The following CNTN6 variants were observed in gnomAD, a reference collection of about 807,000 sequenced individuals.
The protein encoded by CNTN6 is contactin 6.
CNTN6 carries 137 observed loss-of-function variants against 122.8 expected under a neutral mutation model. The ratio of observed to expected loss-of-function variants is 1.12; its 90% CI spans 0.97 to 1.29. CNTN6 has a LOEUF of 1.29. Among genes scored for constraint, CNTN6 ranks in the 50% most tolerant of loss-of-function variants. The pLI, the probability that CNTN6 is intolerant of heterozygous loss-of-function variation, is 0.00. For synonymous variants in CNTN6, 570 were observed against 426.0 expected (o/e 1.34, Z -4.16); for missense variants, 1,634 against 1,223.4 (o/e 1.34, Z -5.01).
intron 4 of CNTN6, among the ~76,000 whole-genome samples, chr3:1,263,995 A>G (rs1331573511): frequency 6.6e-6 from 1 of 151,884 alleles, no homozygotes; most frequent in African/African-American, 2.4e-5. Flanking sequence ...AAGAAGACCA[A>G]GGGCCATCGG....
chr3:1,352,545 G>C, intron 12 of CNTN6, 94 bp downstream of exon 12: 3 of 1,444,640 alleles, frequency 2.1e-6, no homozygotes, highest in Non-Finnish European at 2.9e-6. Context: ...ACCATATTGT[G>C]TATGTAAAAT....
chr3:1,197,903 C>T (rs1344740546), intron 2 of CNTN6, among the ~76,000 whole-genome samples: 1 of 152,100 alleles, frequency 6.6e-6, no homozygotes, highest in Admixed American at 6.5e-5. Context: ...CATCCTATCC[C>T]CCCTAACTCA....
intron 4 of CNTN6, among the ~76,000 whole-genome samples, chr3:1,268,435 G>A (rs7432247): frequency 0.49 from 73,597 of 151,546 alleles, 18,628 homozygotes; most frequent in East Asian, 0.82. Flanking sequence ...GTGAAACCCC[G>A]TCTCTACTAA....
rs2125862985 is a variant in CNTN6, at chr3:1,295,335, T to TATTTCC, written c.455-263_455-258dup. 1.3e-5 allele frequency among the ~76,000 whole-genome samples: 2 copies of TATTTCC among 152,284 alleles called. 1 individual carries two copies. Among genetic ancestry groups the TATTTCC allele is most frequent in the Admixed American group, 1.3e-4 (2 of 15,298 alleles). On this transcript the variant is annotated intron_variant, in intron 5 of 22. Coordinates refer to ENST00000446702, the MANE Select transcript of CNTN6 (RefSeq NM_001289080.2). The stretch of plus-strand genomic sequence containing the variant: ...GTATTTCTTAATAAACTCATCCACT[T>TATTTCC]ATTTCCATAACATCCTATTGTTATA...
At chr3:1,116,650 G>A (rs2091729780) in intron 1 of CNTN6, among the ~76,000 whole-genome samples, 1 of 145,476 alleles carries the variant, frequency 6.9e-6, no homozygotes, top group South Asian at 2.2e-4. Context: ...GGGTCGTATT[G>A]TTACCTGTTA....
chr3:1,339,131 A>AT (rs975702286), intron 11 of CNTN6, among the ~76,000 whole-genome samples: 4 of 151,586 alleles, frequency 2.6e-5, no homozygotes, highest in Non-Finnish European at 5.9e-5. Flanking sequence ...AACTTTTTAA[A>AT]TTTTTTTTCA....
intron 20 of CNTN6, among the ~76,000 whole-genome samples, chr3:1,389,790 A>G (rs1188905131): frequency 1.3e-5 from 2 of 150,872 alleles, no homozygotes; most frequent in African/African-American, 2.4e-5. Flanking sequence ...CTTTAAACCA[A>G]CAAAGATCAA....
rs73817168 is a variant in CNTN6 at position 1,402,589 on chromosome 3, A to G, written c.2986+103A>G. 2.6e-3 allele frequency: 2,509 copies of G among 970,780 alleles called. 43 individuals carry two copies. In the African/African-American group the frequency reaches 0.037, roughly 14 times the overall value. 60.1% of individuals were successfully genotyped at this position (970,780 alleles called of 1,614,324 possible). A position where few individuals can be genotyped will look rare whatever the true frequency, so the allele number is the denominator to read the frequency against. On this transcript the variant is annotated intron_variant, in intron 22 of 22. Coordinates refer to ENST00000446702, the MANE Select transcript of CNTN6 (RefSeq NM_001289080.2). ...CCAGTTATGGCTTAAATGTTGGGTG[A>G]TAAGATAAATTTTCAATTGTGAGCA... is the stretch of plus-strand genomic sequence containing the variant.
intron 5 of CNTN6, among the ~76,000 whole-genome samples, chr3:1,289,885 A>G (rs1241013872): frequency 6.6e-6 from 1 of 152,278 alleles, no homozygotes. Flanking sequence ...CGTGTTAGCC[A>G]GGATGGTCTC....
At chr3:1,212,994 T>C (rs1362667691) in intron 2 of CNTN6, among the ~76,000 whole-genome samples, 2 of 152,320 alleles carry the variant, frequency 1.3e-5, no homozygotes, top group South Asian at 4.1e-4. Context: ...CTAACTTCTG[T>C]GTCTTTCAAA....
chr3:1,209,250 T>G (rs1559516992), intron 2 of CNTN6, among the ~76,000 whole-genome samples: 1 of 152,216 alleles, frequency 6.6e-6, no homozygotes, highest in Non-Finnish European at 1.5e-5. Context: ...TTATACCATG[T>G]GTATACCATT....
At chr3:1,111,021 T>A (rs1374782297) in intron 1 of CNTN6, among the ~76,000 whole-genome samples, 1 of 152,162 alleles carries the variant, frequency 6.6e-6, no homozygotes, top group Non-Finnish European at 1.5e-5. Context: ...ATTTTTCCTA[T>A]GTGTAAAATT....
rs766935927 is a variant in CNTN6 at position 1,401,447 on chromosome 3, C to G, written c.2719C>G (p.Pro907Ala). Residue 907 changes from proline (P) to alanine (A), a missense_variant, in exon 21 of 23, where the codon CCA (proline) becomes GCA (alanine). Transcript: ENST00000446702. ...TTKKSPPSQP[P>A]ANIAWKLTNS... Reference sequence around the variant, plus strand: ...TCTCTTTAAAGCTCCAAGCCAACCACCAGCAAACATTGCCTGGAAGCTGAC... The same window carrying G: ...TCTCTTTAAAGCTCCAAGCCAACCAGCAGCAAACATTGCCTGGAAGCTGAC... 62 of 1,611,630 alleles carry G rather than the reference C, an allele frequency of 3.8e-5. No homozygotes were observed. Among genetic ancestry groups the G allele is most frequent in the Non-Finnish European group, 5.2e-5 (61 of 1,178,476 alleles).
chr3:1,260,083 C>A (rs923071883), intron 4 of CNTN6, among the ~76,000 whole-genome samples: 2 of 152,052 alleles, frequency 1.3e-5, no homozygotes, highest in Non-Finnish European at 2.9e-5. Context: ...CAGATGAGAT[C>A]CTGTCTATTT....
intron 1 of CNTN6, among the ~76,000 whole-genome samples, chr3:1,114,693 G>C (rs73103500): frequency 0.04 from 6,146 of 152,182 alleles, 431 homozygotes; most frequent in African/African-American, 0.14. Flanking sequence ...AGAATACTTC[G>C]CAAAAGTGGT....
intron 8 of CNTN6, among the ~76,000 whole-genome samples, chr3:1,323,073 G>T (rs1340161591): frequency 2.0e-5 from 3 of 151,570 alleles, no homozygotes; most frequent in Non-Finnish European, 4.4e-5. Context: ...GAACACAAAG[G>T]TATCTGTAAA....
chr3:1,387,552 T>G (rs985221330), intron 20 of CNTN6, among the ~76,000 whole-genome samples: 12 of 152,156 alleles, frequency 7.9e-5, no homozygotes, highest in Admixed American at 1.3e-4. Context: ...ACAGAAACTC[T>G]TGTGTGTAGG....
At position 1,287,723 on chromosome 3, in the gene CNTN6, T is replaced by G. The variant is rs1031018711; in HGVS notation, c.455-7878T>G. ...ATCATCCACACTGCTCATTATATGC[T>G]AATTATAATGCATTAAGGTGCTAAA... On this transcript the variant is annotated intron_variant, in intron 5 of 22. Coordinates refer to ENST00000446702, the MANE Select transcript of CNTN6 (RefSeq NM_001289080.2). Among the ~76,000 whole-genome samples the G allele has an allele frequency of 2.6e-5, 4 of 152,174 alleles. No individual in the cohort carries two copies. The East Asian group carries it at 5.8e-4, about 22-fold the overall frequency.
At chr3:1,305,263 T>C (rs1023200345) in intron 7 of CNTN6, among the ~76,000 whole-genome samples, 1 of 152,192 alleles carries the variant, frequency 6.6e-6, no homozygotes, top group East Asian at 1.9e-4. Flanking sequence ...TGTTTACTCA[T>C]ATAATCTAAC....
Sources: allele counts gnomAD v4.1 joint callset (sites outside exome capture counted in the v4.1 genomes callset), GRCh38; gene constraint gnomAD v4.1.1; transcripts MANE v1.5; gene names NCBI Gene and HGNC (gene_info 2026-07-23, HGNC 2026-07-21).